Variants in CCDC40 observed in about 807,000 individuals in gnomAD.
CCDC40 encodes coiled-coil domain-containing protein 40.
CCDC40 carries 104 observed loss-of-function variants against 124.5 expected under a neutral mutation model. That is an observed-to-expected ratio of 0.84 (90% CI 0.71 to 0.98). CCDC40 has a LOEUF of 0.98. Among genes scored for constraint, CCDC40 ranks in the 50% least tolerant of loss-of-function variants. CCDC40 has a pLI of 0.00. For synonymous variants in CCDC40, 580 were observed against 602.9 expected (o/e 0.96, Z 0.56); for missense variants, 1,463 against 1,503.9 (o/e 0.97, Z 0.45).
intron 17 of CCDC40, among the ~76,000 whole-genome samples, chr17:80,092,351 G>T (rs934560943): frequency 1.3e-5 from 2 of 151,870 alleles, no homozygotes; most frequent in African/African-American, 4.8e-5. Context: ...TACAAGTTTT[G>T]ATAGAGACGT....
intron 7 of CCDC40, 26 bp downstream of exon 7, chr17:80,050,309 G>T (rs372837972): frequency 1.3e-6 from 2 of 1,531,718 alleles, no homozygotes; most frequent in Non-Finnish European, 1.8e-6. Context: ...AGCCCCACAC[G>T]CCATCCGGTC....
chr17:80,087,497 G>T lies in CCDC40; in HGVS notation c.2450-110G>T. The T allele has an allele frequency of 1.3e-6, 1 of 793,164 alleles. No homozygotes were observed. 49.1% of individuals were successfully genotyped at this position (793,164 alleles called of 1,614,324 possible). On this transcript the variant is annotated intron_variant, in intron 14 of 19. Transcript: ENST00000397545. The surrounding 1 kb of genome is among the most constrained non-coding windows in gnomAD (Gnocchi z 4.5). ...GAACGACAAGAGGGAGGGGATGAAG[G>T]GAGCTACAGGGAGAGACAAAACCTG... is the stretch of plus-strand genomic sequence containing the variant.
intron 10 of CCDC40, chr17:80,067,719 C>G (rs771600966): frequency 1.3e-6 from 2 of 1,523,052 alleles, no homozygotes; most frequent in Non-Finnish European, 1.8e-6. Context: ...TTTTATATTG[C>G]CTATCAAGCC....
chr17:80,097,525 TC>T, intron 19 of CCDC40, 122 bp downstream of exon 19: 1 of 996,940 alleles, frequency 1.0e-6, no homozygotes, highest in Non-Finnish European at 1.5e-6. Flanking sequence ...CCTCTCCTGA[TC>T]CCAGGCCAGT....
At chr17:80,073,768 T>C (rs2038248156) in intron 10 of CCDC40, among the ~76,000 whole-genome samples, 1 of 152,160 alleles carries the variant, frequency 6.6e-6, no homozygotes, top group Non-Finnish European at 1.5e-5. Context: ...CGATCTTGGC[T>C]CATTGCAACC....
intron 10 of CCDC40, among the ~76,000 whole-genome samples, chr17:80,080,075 A>G (rs1299219129): frequency 2.0e-5 from 3 of 152,016 alleles, no homozygotes; most frequent in African/African-American, 7.2e-5. Flanking sequence ...AAATACAAAA[A>G]TTAGCTGGGC....
At position 80,087,758 on chromosome 17, in the gene CCDC40, G is replaced by A. The variant is rs200841842; in HGVS notation, c.2601G>A (p.Glu867=). Residue 867 remains glutamate, a synonymous_variant, in exon 15 of 20, where the codon GAG becomes GAA. Coordinates refer to ENST00000397545, the MANE Select transcript of CCDC40 (RefSeq NM_017950.4). The surrounding 1 kb of genome is among the most constrained non-coding windows in gnomAD (Gnocchi z 4.5). ...LEQNNRVTEN[E]FVRSLKASER... is the part of the protein sequence containing the mutation. ...AGAACAACCGGGTGACAGAGAATGA[G>A]TTCGTGCGCTCGCTGAAGGTCCGGC... 67 of 1,614,130 alleles carry A rather than the reference G, an allele frequency of 4.2e-5. No homozygotes were observed. In the African/African-American group the frequency reaches 4.4e-4, roughly 11 times the overall value.
At chr17:80,084,452 G>C (rs1016300307) in intron 12 of CCDC40, among the ~76,000 whole-genome samples, 1 of 152,128 alleles carries the variant, frequency 6.6e-6, no homozygotes, top group Non-Finnish European at 1.5e-5. Context: ...TGGGATTATG[G>C]GGACACAATT....
chr17:80,057,843 T>C (rs1241889334), intron 7 of CCDC40, among the ~76,000 whole-genome samples: 9 of 150,170 alleles, frequency 6.0e-5, no homozygotes, highest in Non-Finnish European at 1.2e-4. Flanking sequence ...GCCACTGCAC[T>C]CCAGCCTGGG....
intron 17 of CCDC40, among the ~76,000 whole-genome samples, chr17:80,095,058 C>T (rs778725731): frequency 2.0e-5 from 3 of 152,260 alleles, no homozygotes; most frequent in Non-Finnish European, 4.4e-5. Flanking sequence ...CTCCACCTTG[C>T]ACTGTCTGCC....
intron 17 of CCDC40, among the ~76,000 whole-genome samples, chr17:80,091,545 C>T (rs566176532): frequency 2.7e-3 from 11 of 4,082 alleles, no homozygotes; most frequent in African/African-American, 9.9e-3. Context: ...CCACCACCTT[C>T]TTCTGCCTTT....
At chr17:80,065,937 G>A (rs2038034421) in intron 10 of CCDC40, 3 of 612,392 alleles carry the variant, frequency 4.9e-6, no homozygotes, top group Non-Finnish European at 8.7e-6. Flanking sequence ...CACCACCTGA[G>A]TGCGGAAACC....
At chr17:80,055,797 C>T (rs919263787) in intron 7 of CCDC40, among the ~76,000 whole-genome samples, 5 of 151,362 alleles carry the variant, frequency 3.3e-5, no homozygotes, top group African/African-American at 4.9e-5. Flanking sequence ...GCAGAGGCAA[C>T]GTAGATTCTT....
In CCDC40 at chr17:80,097,322, G is replaced by A; in HGVS notation, c.3099G>A (p.Lys1033=). The change falls in exon 19 of 20, where the codon AAG becomes AAA. Residue 1033 remains lysine, a synonymous_variant. Coordinates refer to ENST00000397545, the MANE Select transcript of CCDC40 (RefSeq NM_017950.4). ...QRNVSSSLLE[K]QEKLSVIQAD... ...ATGTGAGCAGCTCCCTCCTAGAGAA[G>A]CAGGAAAAGCTGTCGGTGATTCAGG... 6.2e-7 allele frequency: 1 copy of A among 1,613,968 alleles called. No homozygotes were observed. Among genetic ancestry groups the A allele is most frequent in the Non-Finnish European group, 8.5e-7 (1 of 1,180,034 alleles).
At chr17:80,072,035 C>T (rs1300256387) in intron 10 of CCDC40, among the ~76,000 whole-genome samples, 3 of 151,942 alleles carry the variant, frequency 2.0e-5, no homozygotes, top group Non-Finnish European at 2.9e-5. Context: ...GACGGGGTTT[C>T]ACCATGTTGG....
At chr17:80,085,885 G>A (rs1213193196) in intron 13 of CCDC40, 118 bp from the exon 14 acceptor site, 3 of 902,108 alleles carry the variant, frequency 3.3e-6, no homozygotes, top group Admixed American at 3.6e-5. Flanking sequence ...GGCCAGGCTG[G>A]TCTTGAACTC....
chr17:80,079,991 C>T (rs1401806393), intron 10 of CCDC40, among the ~76,000 whole-genome samples: 10 of 146,082 alleles, frequency 6.8e-5, no homozygotes, highest in Admixed American at 1.4e-4. Context: ...TTTGGGAGGC[C>T]GAGGCAGGTG....
intron 10 of CCDC40, among the ~76,000 whole-genome samples, chr17:80,077,110 T>C (rs1017099525): frequency 2.0e-5 from 3 of 152,234 alleles, no homozygotes; most frequent in Non-Finnish European, 4.4e-5. Flanking sequence ...ACCTTCTGTA[T>C]GCACTGGGGA....
At chr17:80,084,691 C>T in intron 12 of CCDC40, 52 bp from the exon 13 acceptor site, 1 of 1,609,756 alleles carries the variant, frequency 6.2e-7, no homozygotes, top group Non-Finnish European at 8.5e-7. Context: ...CAAACTCGTC[C>T]CGGGCCTTGG....
Sources: gnomAD v4.1 joint callset for allele counts (sites outside exome capture counted in the v4.1 genomes callset) on GRCh38, gnomAD v4.1.1 for gene constraint, Gnocchi (gnomAD v3.1) non-coding constraint, MANE v1.5 for transcripts, NCBI Gene and HGNC (gene_info 2026-07-23, HGNC 2026-07-21) for gene names.